The following ATP2A2 variants were observed in gnomAD, a reference collection of about 807,000 sequenced individuals.
ATP2A2 encodes sarcoplasmic/endoplasmic reticulum calcium ATPase 2.
In ATP2A2, 14 loss-of-function variants were observed where a neutral mutation model predicts 109.3. That is an observed-to-expected ratio of 0.13 (90% CI 0.08 to 0.20). The LOEUF is 0.20. ATP2A2 is among the 10% of genes least tolerant of loss of function. ATP2A2 has a pLI of 1.00. For synonymous variants in ATP2A2, 506 were observed against 490.9 expected, an observed-to-expected ratio of 1.03 and a Z score of -0.41; for missense variants, 657 against 1,321.6, an observed-to-expected ratio of 0.50 and a Z score of 7.80.
chr12:110,338,400 A>G (rs547522721), intron 11 of ATP2A2, among the ~76,000 whole-genome samples: 5 of 152,194 alleles, frequency 3.3e-5, no homozygotes, highest in South Asian at 2.1e-4. Context: ...TTCACCTCCA[A>G]CGTTCCCTAG....
At position 110,327,190 on chromosome 12, in the gene ATP2A2, T is replaced by G. The variant is rs969257667; in HGVS notation, c.631-363T>G. 1.3e-5 allele frequency among the ~76,000 whole-genome samples: 2 copies of G among 152,194 alleles called. No homozygotes were observed. The highest frequency in any genetic ancestry group is 4.8e-5 in the African/African-American group (2 of 41,442). On this transcript the variant is annotated intron_variant, in intron 7 of 19. Coordinates refer to ENST00000539276, the MANE Select transcript of ATP2A2 (RefSeq NM_170665.4). The surrounding 1 kb of genome is among the most constrained non-coding windows in gnomAD (Gnocchi z 4.4). ...CCCATGGGGCTAGTTGCCGTTTCTA[T>G]TACAGTGAGAAAAGTAGGGGCCTTG... is the stretch of plus-strand genomic sequence containing the variant.
chr12:110,343,653 T>C (rs1218218941), intron 16 of ATP2A2, among the ~76,000 whole-genome samples: 1 of 152,216 alleles, frequency 6.6e-6, no homozygotes, highest in Non-Finnish European at 1.5e-5. Context: ...ACTTGGGCTT[T>C]TCTGAATGAG....
chr12:110,321,937 G>A (rs2137800311), intron 5 of ATP2A2, among the ~76,000 whole-genome samples: 1 of 152,274 alleles, frequency 6.6e-6, no homozygotes, highest in East Asian at 1.9e-4. Context: ...AGAAGACTCA[G>A]TTGACTTAAA....
At chr12:110,345,079 C>A in intron 17 of ATP2A2, 108 bp downstream of exon 17, 1 of 1,487,814 alleles carries the variant, frequency 6.7e-7, no homozygotes, top group Non-Finnish European at 9.4e-7. Flanking sequence ...AGACAATAAA[C>A]AGTTACATCT....
chr12:110,326,198 C>T, intron 6 of ATP2A2, 192 bp from the exon 7 acceptor site: 5 of 608,924 alleles, frequency 8.2e-6, no homozygotes, highest in Non-Finnish European at 1.5e-5. Context: ...ATCCTGACAC[C>T]CTTTGTTCTG....
Position 110,348,511 on chromosome 12 carries a change from T to C in ATP2A2, c.*2041T>C, listed in dbSNP as rs1408407913. ...GGAGGCATCAAGCAGGACAAGGTGC[T>C]GCTGAGTTCAGAGGGCCCACGTTCA... On this transcript the variant is annotated 3_prime_UTR_variant, in exon 20 of 20. Transcript: ENST00000539276. The C allele has an allele frequency of 2.8e-5, 28 of 985,442 alleles. No homozygotes were observed. Among genetic ancestry groups the C allele is most frequent in the Middle Eastern group, 1.0e-3 (2 of 1,942 alleles). 61.0% of individuals were successfully genotyped at this position (985,442 alleles called of 1,614,324 possible).
At chr12:110,296,397 A>G (rs945889023) in intron 4 of ATP2A2, 6 of 637,614 alleles carry the variant, frequency 9.4e-6, no homozygotes, top group Non-Finnish European at 1.1e-5. Context: ...AGCTTAATTG[A>G]GGGTACTTAA....
At chr12:110,341,122 C>T (rs1879313345) in intron 14 of ATP2A2, 128 bp downstream of exon 14, 1 of 1,052,276 alleles carries the variant, frequency 9.5e-7, no homozygotes, top group Non-Finnish European at 1.4e-6. Context: ...GGTCTTTTCT[C>T]TAGAATTCGG....
At chr12:110,295,058 A>G (rs756830556) in intron 4 of ATP2A2, among the ~76,000 whole-genome samples, 1 of 152,174 alleles carries the variant, frequency 6.6e-6, no homozygotes, top group Non-Finnish European at 1.5e-5. Flanking sequence ...ACCTCAGGCG[A>G]TCCGCCCACC....
chr12:110,335,545 C>T (rs988986273), intron 11 of ATP2A2, among the ~76,000 whole-genome samples: 1 of 152,192 alleles, frequency 6.6e-6, no homozygotes, highest in Non-Finnish European at 1.5e-5. Flanking sequence ...AGTGGCTAAA[C>T]TTGAAGGATA....
At position 110,340,647 on chromosome 12, in the gene ATP2A2, C is replaced by G. The variant is rs1233094754; in HGVS notation, c.1762-12C>G. 1 of 1,613,718 alleles carries G rather than the reference C, an allele frequency of 6.2e-7. No individual in the cohort carries two copies. On this transcript the variant is annotated splice_polypyrimidine_tract_variant and intron_variant, in intron 13 of 19. Coordinates refer to ENST00000539276, the MANE Select transcript of ATP2A2 (RefSeq NM_170665.4). This position sits in a 1 kb window ranked among gnomAD's most constrained non-coding sequence, Gnocchi z 6.0. ...CTTGCCACTTTTATTTAAAGTGATG[C>G]TCTTATTTTAGACCAATCTGACCTT...
chr12:110,316,578 C>T (rs1167768375), intron 5 of ATP2A2, among the ~76,000 whole-genome samples: 1 of 152,118 alleles, frequency 6.6e-6, no homozygotes, highest in African/African-American at 2.4e-5. Flanking sequence ...ATTTGACACC[C>T]ACTGTGTGCC....
At chr12:110,312,317 C>G (rs1021550066) in intron 5 of ATP2A2, among the ~76,000 whole-genome samples, 2 of 152,132 alleles carry the variant, frequency 1.3e-5, no homozygotes, top group Non-Finnish European at 2.9e-5. Context: ...TTGGTTCAGT[C>G]TGAAATGGGG....
rs955199957 is a variant in ATP2A2 at position 110,350,068 on chromosome 12, G to A, written c.*3598G>A. ...CAGAGCCTTTATTCTGTAGCCAGAC[G>A]ACACGAGGAGTCTGTGTCACTGAGC... On this transcript the variant is annotated 3_prime_UTR_variant, in exon 20 of 20. Transcript: ENST00000539276. The A allele has an allele frequency of 2.8e-5, 40 of 1,433,182 alleles. No homozygotes were observed. Among genetic ancestry groups the A allele is most frequent in the Middle Eastern group, 2.6e-4 (1 of 3,872 alleles). 88.8% of individuals were successfully genotyped at this position (1,433,182 alleles called of 1,614,324 possible). A position where few individuals can be genotyped will look rare whatever the true frequency, so the allele number is the denominator to read the frequency against.
intron 3 of ATP2A2, among the ~76,000 whole-genome samples, chr12:110,288,266 T>TA (rs200216134): frequency 0.021 from 3,140 of 151,542 alleles, 136 homozygotes; most frequent in African/African-American, 0.072. Flanking sequence ...CCCAACTAAT[T>TA]AAAAAAAAAT....
rs996746864 is a variant in ATP2A2 at position 110,349,653 on chromosome 12, G to T, written c.*3183G>T. The T allele has an allele frequency of 1.6e-4, 160 of 988,150 alleles. No individual in the cohort carries two copies. The highest frequency in any genetic ancestry group is 1.9e-4 in the Non-Finnish European group (157 of 831,534). 61.2% of individuals were successfully genotyped at this position (988,150 alleles called of 1,614,324 possible). A position where few individuals can be genotyped will look rare whatever the true frequency, so the allele number is the denominator to read the frequency against. On this transcript the variant is annotated 3_prime_UTR_variant, in exon 20 of 20. Transcript: ENST00000539276. The stretch of plus-strand genomic sequence containing the variant: ...GCAGACCTAAGACCTGAGACCACAA[G>T]ATTAGCTCAGTGTCTACCAAGCATC...
intron 5 of ATP2A2, among the ~76,000 whole-genome samples, chr12:110,320,504 A>T (rs1447902598): frequency 6.6e-6 from 1 of 152,376 alleles, no homozygotes. Context: ...GAGGGCATGT[A>T]GGATCAGGTT....
chr12:110,331,641 T>G (rs1398966357), intron 8 of ATP2A2: 1 of 152,240 alleles, frequency 6.6e-6, no homozygotes, highest in Non-Finnish European at 1.5e-5. Flanking sequence ...CAGCTCAACG[T>G]GGCCTGTTTA....
Position 110,340,454 on chromosome 12 carries a change from C to T in ATP2A2, c.1762-205C>T, listed in dbSNP as rs1218350622. ...CCTGGAGGCTGAGGCAGAAGAGTCT[C>T]TTGAACCTGGGAGGCGGAGGTCGCA... On this transcript the variant is annotated intron_variant, in intron 13 of 19. Transcript: ENST00000539276. This position sits in a 1 kb window ranked among gnomAD's most constrained non-coding sequence, Gnocchi z 6.0. 6.6e-6 allele frequency among the ~76,000 whole-genome samples: 1 copy of T among 151,512 alleles called. No individual in the cohort carries two copies.
Sources: allele counts gnomAD v4.1 joint callset (sites outside exome capture counted in the v4.1 genomes callset), GRCh38; gene constraint gnomAD v4.1.1; non-coding constraint Gnocchi (gnomAD v3.1); transcripts MANE v1.5; gene names NCBI Gene and HGNC (gene_info 2026-07-23, HGNC 2026-07-21).